The following EGFLAM variants were observed in gnomAD, a reference collection of about 807,000 sequenced individuals.
The protein encoded by EGFLAM is pikachurin.
EGFLAM carries 79 observed loss-of-function variants against 113.1 expected under a neutral mutation model. That is an observed-to-expected ratio of 0.70 (90% CI 0.58 to 0.84). EGFLAM has a LOEUF of 0.84. EGFLAM is among the 40% of genes least tolerant of loss of function. The pLI is 0.00. For synonymous variants in EGFLAM, 504 were observed against 487.6 expected, an observed-to-expected ratio of 1.03 and a Z score of -0.44; for missense variants, 1,265 against 1,291.6, an observed-to-expected ratio of 0.98 and a Z score of 0.32.
chr5:38,383,606 A>G (rs1740574315), intron 6 of EGFLAM, among the ~76,000 whole-genome samples: 1 of 152,204 alleles, frequency 6.6e-6, no homozygotes, highest in African/African-American at 2.4e-5. Context: ...GCAGTAAACA[A>G]GATCAATAGT....
At chr5:38,368,773 C>G (rs1489311792) in intron 5 of EGFLAM, among the ~76,000 whole-genome samples, 1 of 151,990 alleles carries the variant, frequency 6.6e-6, no homozygotes, top group Non-Finnish European at 1.5e-5. Context: ...CTCATCCTAC[C>G]AATCCAAGTG....
intron 3 of EGFLAM, chr5:38,345,559 GCAGCA>G (rs1739453858): frequency 2.0e-5 from 3 of 152,190 alleles, no homozygotes; most frequent in Non-Finnish European, 4.4e-5. Context: ...GGGGTATTTT[GCAGCA>G]AAGCACTCAG....
chr5:38,310,693 G>C (rs16903933), intron 1 of EGFLAM, among the ~76,000 whole-genome samples: 2,014 of 152,046 alleles, frequency 0.013, 43 homozygotes, highest in African/African-American at 0.045. Context: ...ATGTACCCTT[G>C]TGGCTTGAAT....
chr5:38,463,774 C>G, intron 21 of EGFLAM, 58 bp from the exon 22 acceptor site: 1 of 1,595,634 alleles, frequency 6.3e-7, no homozygotes, highest in Non-Finnish European at 8.6e-7. Flanking sequence ...GAACCCCGAC[C>G]TTGCCCTGCG....
intron 1 of EGFLAM, among the ~76,000 whole-genome samples, chr5:38,278,287 G>T (rs10040175): frequency 6.6e-6 from 1 of 152,196 alleles, no homozygotes; most frequent in African/African-American, 2.4e-5. Context: ...ACACTCATTA[G>T]GGAAAGGATA....
rs1204364848 is a variant in EGFLAM at position 38,358,363 on chromosome 5, T to C, written c.545+6032T>C. On this transcript the variant is annotated intron_variant, in intron 5 of 21. Coordinates refer to ENST00000322350, the MANE Select transcript of EGFLAM (RefSeq NM_152403.4). ...TCGGGAGGCTGAGGCAGAAGAATTGTGTGAACCCGGGAGGCGGAGCTTGCA... is the reference window on the plus strand; with the variant it reads ...TCGGGAGGCTGAGGCAGAAGAATTGCGTGAACCCGGGAGGCGGAGCTTGCA... Among the ~76,000 whole-genome samples, 75 of 144,154 alleles carry C rather than the reference T, an allele frequency of 5.2e-4. 1 individual carries two copies. Among genetic ancestry groups the C allele is most frequent in the African/African-American group, 1.8e-3 (68 of 38,500 alleles). 94.6% of individuals were successfully genotyped at this position (144,154 alleles called of 152,430 possible). A position where few individuals can be genotyped will look rare whatever the true frequency, so the allele number is the denominator to read the frequency against.
chr5:38,341,234 T>G (rs960531081), intron 3 of EGFLAM, among the ~76,000 whole-genome samples: 12 of 152,194 alleles, frequency 7.9e-5, no homozygotes, highest in African/African-American at 2.9e-4. Flanking sequence ...TACTTGGCAC[T>G]GGGTAATTTA....
rs919291 is a variant in EGFLAM, at chr5:38,290,100, G to A, written c.97+31249G>A. Reference sequence around the variant, plus strand: ...TGGATTTTTCCAAAATCAGACCACAGAGATGAAGACTTGGGTGCCAGGAAG... The same window carrying A: ...TGGATTTTTCCAAAATCAGACCACAAAGATGAAGACTTGGGTGCCAGGAAG... On this transcript the variant is annotated intron_variant, in intron 1 of 21. Coordinates refer to ENST00000322350, the MANE Select transcript of EGFLAM (RefSeq NM_152403.4). Among the ~76,000 whole-genome samples, 1,105 of 152,282 alleles carry A rather than the reference G, an allele frequency of 7.3e-3. 18 individuals are homozygous for A. Among genetic ancestry groups the A allele is most frequent in the East Asian group, 0.046 (236 of 5,170 alleles).
chr5:38,437,463 G>A (rs930040025), intron 16 of EGFLAM, among the ~76,000 whole-genome samples: 2 of 152,052 alleles, frequency 1.3e-5, no homozygotes, highest in African/African-American at 2.4e-5. Flanking sequence ...TTTGACTTCC[G>A]CCTCCGTAAC....
chr5:38,323,824 G>A (rs544352294), intron 1 of EGFLAM, among the ~76,000 whole-genome samples: 179 of 152,110 alleles, frequency 1.2e-3, no homozygotes, highest in Non-Finnish European at 2.0e-3. Context: ...CAAGGTGGGC[G>A]GATCACTTGA....
At chr5:38,315,358 T>C (rs116612980) in intron 1 of EGFLAM, among the ~76,000 whole-genome samples, 2,107 of 152,282 alleles carry the variant, frequency 0.014, 48 homozygotes, top group African/African-American at 0.045. Flanking sequence ...CATGCATATG[T>C]TTTCTCCTTA....
chr5:38,420,729 C>T (rs563597556), intron 12 of EGFLAM, among the ~76,000 whole-genome samples: 1 of 152,286 alleles, frequency 6.6e-6, no homozygotes, highest in African/African-American at 2.4e-5. Context: ...CCTGAAATGG[C>T]ATGGCAACCT....
intron 1 of EGFLAM, among the ~76,000 whole-genome samples, chr5:38,300,182 T>C (rs1023031700): frequency 1.1e-4 from 16 of 152,106 alleles, no homozygotes; most frequent in Non-Finnish European, 1.3e-4. Context: ...CAGTGAAAAG[T>C]CCCGAGGTGG....
At chr5:38,397,786 A>T (rs1363070596) in intron 6 of EGFLAM, among the ~76,000 whole-genome samples, 1 of 151,590 alleles carries the variant, frequency 6.6e-6, no homozygotes, top group East Asian at 1.9e-4. Context: ...GACTCTCCCT[A>T]CCCCCACCCC....
chr5:38,403,471 TG>T (rs2112117504), intron 6 of EGFLAM: 1 of 193,636 alleles, frequency 5.2e-6, no homozygotes, highest in East Asian at 1.1e-4. Flanking sequence ...GCTCTTGCAC[TG>T]TGGGGCCATT....
At chr5:38,408,288 T>C (rs769565879) in intron 9 of EGFLAM, among the ~76,000 whole-genome samples, 4 of 152,234 alleles carry the variant, frequency 2.6e-5, no homozygotes, top group African/African-American at 7.2e-5. Flanking sequence ...TCTGTCTTCA[T>C]TGTGATAGCT....
intron 17 of EGFLAM, among the ~76,000 whole-genome samples, chr5:38,444,100 G>A (rs1466155659): frequency 6.6e-6 from 1 of 152,102 alleles, no homozygotes; most frequent in East Asian, 1.9e-4. Flanking sequence ...GGAATTCCAA[G>A]CTCCTCAAAT....
intron 6 of EGFLAM, among the ~76,000 whole-genome samples, chr5:38,371,287 G>A (rs1317371157): frequency 6.6e-6 from 1 of 152,116 alleles, no homozygotes; most frequent in African/African-American, 2.4e-5. Context: ...GTAGAGCCCG[G>A]CTGCTCCTTT....
chr5:38,455,862 A>G (rs78977209), intron 19 of EGFLAM, among the ~76,000 whole-genome samples: 1 of 152,196 alleles, frequency 6.6e-6, no homozygotes, highest in Non-Finnish European at 1.5e-5. Context: ...GCTCTTAGAC[A>G]ACTGAAAAGG....
Sources: allele counts gnomAD v4.1 joint callset (sites outside exome capture counted in the v4.1 genomes callset), GRCh38; gene constraint gnomAD v4.1.1; transcripts MANE v1.5; gene names NCBI Gene and HGNC (gene_info 2026-07-23, HGNC 2026-07-21).